The following ANO4 variants were observed in gnomAD, a reference collection of about 807,000 sequenced individuals.
ANO4 encodes the protein anoctamin-4.
A neutral mutation model predicts 141.9 loss-of-function variants in ANO4; 69 were observed. The observed-to-expected ratio is 0.49, with a 90% CI of 0.40 to 0.59. The LOEUF (loss-of-function observed/expected upper bound fraction) is 0.59, where lower values mean the gene tolerates loss of function less well. Among genes scored for constraint, ANO4 ranks in the 20% least tolerant of loss-of-function variants. The probability of loss-of-function intolerance (pLI) is 0.00; values close to 1 mark genes in which losing one functional copy is unlikely to be tolerated. For synonymous variants in ANO4, 350 were observed against 394.3 expected (o/e 0.89, Z 1.33); for missense variants, 894 against 1,162.2 (o/e 0.77, Z 3.36).
At chr12:100,793,142 T>C (rs2034116410), upstream of ANO4, among the ~76,000 whole-genome samples, 1 of 152,216 alleles carries the variant, frequency 6.6e-6, no homozygotes, top group South Asian at 2.1e-4. Context: ...TGTAAACTTC[T>C]TGAAGGCAAG....
At chr12:100,838,224 C>T (rs1405741802) in intron 1 of ANO4, among the ~76,000 whole-genome samples, 3 of 111,028 alleles carry the variant, frequency 2.7e-5, no homozygotes, top group Admixed American at 9.5e-5. Context: ...AGTGAGACTC[C>T]GTCTCAAAAA....
intron 14 of ANO4, 53 bp from the exon 15 acceptor site, chr12:101,079,140 G>A: frequency 6.8e-7 from 1 of 1,481,456 alleles, no homozygotes; most frequent in South Asian, 1.1e-5. Flanking sequence ...ACAGTTAAGA[G>A]CCTTGTTTTA....
chr12:100,881,250 G>A (rs1446744724), intron 1 of ANO4, among the ~76,000 whole-genome samples: 1 of 151,358 alleles, frequency 6.6e-6, no homozygotes, highest in Admixed American at 6.6e-5. Flanking sequence ...AAACCTGCAC[G>A]TTGTGCACAT....
chr12:100,756,116 A>G lies in ANO4; in HGVS notation c.358+16011A>G, dbSNP rs190014347. On this transcript the variant is annotated intron_variant, in intron 3 of 29. Coordinates refer to the ANO4 transcript ENST00000644049. ...ATTAAAATGCAATTACAAAATTCTA[A>G]AAGTTATATTGAAGTGCTTTTAAAT... Among the ~76,000 whole-genome samples the G allele has an allele frequency of 4.6e-5, 7 of 152,308 alleles. No homozygotes were observed. In the East Asian group the frequency reaches 1.4e-3, roughly 29 times the overall value.
At chr12:101,012,778 T>C (rs1164291151) in intron 8 of ANO4, among the ~76,000 whole-genome samples, 1 of 152,096 alleles carries the variant, frequency 6.6e-6, no homozygotes, top group Non-Finnish European at 1.5e-5. Context: ...TAGGAAGCTA[T>C]TGTAGTAGTC....
chr12:100,955,420 C>A (rs1468298095), intron 5 of ANO4, among the ~76,000 whole-genome samples: 1 of 152,150 alleles, frequency 6.6e-6, no homozygotes, highest in African/African-American at 2.4e-5. Context: ...CCTAGGCTTT[C>A]TCATGACATC....
rs372526042 is a variant in ANO4, at chr12:100,897,335, C to G, written c.-140-4311C>G. Among the ~76,000 whole-genome samples the G allele has an allele frequency of 2.6e-5, 4 of 152,132 alleles. No homozygotes were observed. In the East Asian group the frequency reaches 7.7e-4, roughly 29 times the overall value. On this transcript the variant is annotated intron_variant, in intron 1 of 27. Transcript: ENST00000392977. ...AGCTAAGTTTCTGACCTCAGGGAGCCTAGGAAAGACAGTGAGGATACAATA... is the reference window on the plus strand; with the variant it reads ...AGCTAAGTTTCTGACCTCAGGGAGCGTAGGAAAGACAGTGAGGATACAATA...
intron 3 of ANO4, among the ~76,000 whole-genome samples, chr12:100,758,325 C>A (rs1226048018): frequency 1.3e-5 from 2 of 152,196 alleles, no homozygotes; most frequent in Non-Finnish European, 2.9e-5. Flanking sequence ...TGCCTGGGAG[C>A]AGATGGGCAC....
chr12:100,945,064 A>C (rs2042669915), intron 5 of ANO4, among the ~76,000 whole-genome samples: 1 of 152,108 alleles, frequency 6.6e-6, no homozygotes, highest in Non-Finnish European at 1.5e-5. Flanking sequence ...CACCCTAGGG[A>C]CCCTTGTATA....
At chr12:100,825,317 G>A (rs1046424526) in intron 1 of ANO4, among the ~76,000 whole-genome samples, 4 of 152,088 alleles carry the variant, frequency 2.6e-5, no homozygotes, top group Admixed American at 6.5e-5. Context: ...GGACTGCTCT[G>A]GGCCTCGCTG....
At chr12:101,002,672 C>T (rs1289904872) in intron 8 of ANO4, among the ~76,000 whole-genome samples, 1 of 152,164 alleles carries the variant, frequency 6.6e-6, no homozygotes, top group Non-Finnish European at 1.5e-5. Flanking sequence ...CATCTTATGT[C>T]TCATGTCTCA....
At chr12:101,024,566 A>G (rs2046656810) in intron 9 of ANO4, among the ~76,000 whole-genome samples, 2 of 151,866 alleles carry the variant, frequency 1.3e-5, no homozygotes, top group South Asian at 4.2e-4. Context: ...ACTGCATTCC[A>G]GCCTGGGCAA....
chr12:101,120,476 G>GA lies in ANO4; in HGVS notation c.2571-39dup. ...GAGAATGGAAGAGATTTGAGAATCA[G>GA]AAAAATCATAGTTTGAATGCAACAT... On this transcript the variant is annotated intron_variant, in intron 25 of 27. Transcript: ENST00000392977. 3 of 1,537,878 alleles carry GA rather than the reference G, an allele frequency of 2.0e-6. No homozygotes were observed. In the South Asian group the frequency reaches 3.4e-5, roughly 17 times the overall value.
chr12:101,111,513 A>G (rs896756860), intron 23 of ANO4, 50 bp from the exon 24 acceptor site: 8 of 1,420,912 alleles, frequency 5.6e-6, no homozygotes, highest in South Asian at 1.6e-5. Context: ...TTTCATAATT[A>G]TCACCTCTGT....
At chr12:100,843,039 T>A (rs547806503) in intron 1 of ANO4, among the ~76,000 whole-genome samples, 5 of 152,286 alleles carry the variant, frequency 3.3e-5, no homozygotes, top group South Asian at 2.1e-4. Context: ...TCCAGTGACT[T>A]CTTCTTCTTA....
chr12:101,060,113 AT>A (rs1238532836), intron 14 of ANO4, among the ~76,000 whole-genome samples: 2 of 152,200 alleles, frequency 1.3e-5, no homozygotes, highest in East Asian at 3.8e-4. Flanking sequence ...TAACTTATTT[AT>A]TTCTGCCTTA....
intron 9 of ANO4, among the ~76,000 whole-genome samples, chr12:101,028,950 A>T (rs1251164829): frequency 6.6e-6 from 1 of 152,240 alleles, no homozygotes; most frequent in Non-Finnish European, 1.5e-5. Context: ...GGTCACCTGC[A>T]AAGAAAAGCC....
chr12:101,049,315 C>A (rs2047761686), intron 14 of ANO4, among the ~76,000 whole-genome samples: 2 of 152,190 alleles, frequency 1.3e-5, no homozygotes, highest in Admixed American at 1.3e-4. Context: ...TCTTCCCCAT[C>A]TTTCAGGCCC....
chr12:100,832,750 C>T (rs1479055487), intron 1 of ANO4, among the ~76,000 whole-genome samples: 1 of 152,066 alleles, frequency 6.6e-6, no homozygotes, highest in Non-Finnish European at 1.5e-5. Flanking sequence ...ATCTGTGGAA[C>T]CAATTTTATC....
Sources: allele counts gnomAD v4.1 joint callset (sites outside exome capture counted in the v4.1 genomes callset), GRCh38; gene constraint gnomAD v4.1.1; transcripts MANE v1.5; gene names NCBI Gene and HGNC (gene_info 2026-07-23, HGNC 2026-07-21).